Variants in BMPR1B observed in about 807,000 individuals in gnomAD.
The protein encoded by BMPR1B is bone morphogenetic protein receptor type 1B, also known as bone morphogenetic protein receptor type-1B.
BMPR1B carries 12 observed loss-of-function variants against 59.1 expected under a neutral mutation model. The ratio of observed to expected loss-of-function variants is 0.20; its 90% CI spans 0.13 to 0.33. BMPR1B has a LOEUF of 0.33. Ranked by LOEUF, BMPR1B falls within the 10% of genes least tolerant of loss-of-function variation. BMPR1B has a pLI of 1.00. For synonymous variants in BMPR1B, 237 were observed against 207.3 expected, an observed-to-expected ratio of 1.14 and a Z score of -1.23; for missense variants, 550 against 610.9, an observed-to-expected ratio of 0.90 and a Z score of 1.05.
intron 3 of BMPR1B, among the ~76,000 whole-genome samples, chr4:95,030,640 T>C (rs1724767856): frequency 6.6e-6 from 1 of 152,012 alleles, no homozygotes; most frequent in Non-Finnish European, 1.5e-5. Context: ...CAGCCCAAAA[T>C]CTCCTTAAGC....
intron 2 of BMPR1B, among the ~76,000 whole-genome samples, chr4:94,981,052 A>T (rs1312763375): frequency 6.6e-6 from 1 of 151,326 alleles, no homozygotes; most frequent in Non-Finnish European, 1.5e-5. Flanking sequence ...TTTAACTCAT[A>T]TACAGTGAAT....
chr4:95,093,747 A>C (rs1730170562), intron 3 of BMPR1B, among the ~76,000 whole-genome samples: 1 of 152,026 alleles, frequency 6.6e-6, no homozygotes, highest in African/African-American at 2.4e-5. Flanking sequence ...TCGATGTGTG[A>C]GTATGGTGAA....
intron 3 of BMPR1B, among the ~76,000 whole-genome samples, chr4:95,061,375 G>A (rs1429155107): frequency 6.6e-6 from 1 of 152,152 alleles, no homozygotes; most frequent in Non-Finnish European, 1.5e-5. Flanking sequence ...AGGAAGCTCA[G>A]CAATGCAGCT....
intron 10 of BMPR1B, among the ~76,000 whole-genome samples, chr4:95,137,126 G>A (rs1392664975): frequency 1.3e-5 from 2 of 152,074 alleles, no homozygotes; most frequent in Non-Finnish European, 2.9e-5. Flanking sequence ...TGTTCTTATT[G>A]GTTTCAAAGA....
chr4:95,046,047 A>T (rs1346758544), intron 3 of BMPR1B, among the ~76,000 whole-genome samples: 1 of 152,150 alleles, frequency 6.6e-6, no homozygotes, highest in Non-Finnish European at 1.5e-5. Flanking sequence ...AATTGATTTG[A>T]ATAAATATTT....
intron 2 of BMPR1B, among the ~76,000 whole-genome samples, chr4:94,907,377 A>G (rs569029343): frequency 9.2e-5 from 14 of 152,168 alleles, no homozygotes; most frequent in Non-Finnish European, 1.9e-4. Context: ...AGGAATCAAC[A>G]TTATCCATTT....
At chr4:95,104,596 C>G in intron 4 of BMPR1B, 29 bp downstream of exon 4, 1 of 1,612,486 alleles carries the variant, frequency 6.2e-7, no homozygotes, top group Non-Finnish European at 8.5e-7. Context: ...TTAAAGCTAG[C>G]TTTAACAAAA....
chr4:95,123,659 A>G (rs1732689744), intron 6 of BMPR1B, 151 bp from the exon 7 acceptor site: 3 of 633,510 alleles, frequency 4.7e-6, no homozygotes, highest in Admixed American at 5.7e-5. Flanking sequence ...TTTTGAGTAT[A>G]TATGGGTTTT....
chr4:94,761,421 GT>G (rs1721761853), intron 1 of BMPR1B, among the ~76,000 whole-genome samples: 1 of 39,088 alleles, frequency 2.6e-5, no homozygotes, highest in Admixed American at 2.9e-4. Context: ...AATTCTGTGT[GT>G]GTGTGTGTGT....
rs557369704 is a variant in BMPR1B, at chr4:94,852,080, C to G, written c.-182-23751C>G. ...CTTGTGCTAAAGGCAAACACATTTT[C>G]CCTTACCTGTTTGTATTCATTGCAG... On this transcript the variant is annotated intron_variant, in intron 1 of 12. Transcript: ENST00000515059. 3.3e-5 allele frequency among the ~76,000 whole-genome samples: 5 copies of G among 152,232 alleles called. No individual in the cohort carries two copies. The South Asian group carries it at 1.0e-3, about 32-fold the overall frequency.
intron 3 of BMPR1B, among the ~76,000 whole-genome samples, chr4:95,042,102 C>T (rs1164981930): frequency 4.6e-5 from 7 of 152,102 alleles, no homozygotes; most frequent in Admixed American, 1.3e-4. Context: ...GTGATCCACC[C>T]GCCTCGGCCT....
At chr4:94,774,596 C>G (rs530894772) in intron 1 of BMPR1B, among the ~76,000 whole-genome samples, 1 of 152,050 alleles carries the variant, frequency 6.6e-6, no homozygotes, top group Admixed American at 6.5e-5. Flanking sequence ...TTTTCTGTTT[C>G]TTTGGAACCT....
intron 3 of BMPR1B, among the ~76,000 whole-genome samples, chr4:95,012,715 A>T (rs188037397): frequency 1.3e-5 from 2 of 152,314 alleles, no homozygotes; most frequent in South Asian, 2.1e-4. Flanking sequence ...TGCTAGCAGC[A>T]TTTACAACTT....
At chr4:95,066,118 C>T (rs1560628090) in intron 3 of BMPR1B, among the ~76,000 whole-genome samples, 1 of 152,178 alleles carries the variant, frequency 6.6e-6, no homozygotes. Flanking sequence ...CATGGTCTCT[C>T]CCCTCACAGA....
rs775660734 is a variant in BMPR1B, at chr4:95,131,198, A to C, written c.779-17A>C. 1 of 1,610,534 alleles carries C rather than the reference A, an allele frequency of 6.2e-7. No individual in the cohort carries two copies. The highest frequency in any genetic ancestry group is 1.7e-5 in the Admixed American group (1 of 59,850). ...TATTTGGAAAACACTAAACCTTTTC[A>C]TCTTTTTTCCTTTTAGGTTTCATTG... On this transcript the variant is annotated splice_polypyrimidine_tract_variant and intron_variant, in intron 9 of 12. Coordinates refer to ENST00000515059, the MANE Select transcript of BMPR1B (RefSeq NM_001203.3).
chr4:94,867,432 A>G (rs1726291971), intron 1 of BMPR1B, among the ~76,000 whole-genome samples: 1 of 152,218 alleles, frequency 6.6e-6, no homozygotes, highest in Non-Finnish European at 1.5e-5. Context: ...TGCTTAAACT[A>G]GAAATCTAGC....
At chr4:94,919,684 A>G (rs1281188741) in intron 2 of BMPR1B, among the ~76,000 whole-genome samples, 1 of 152,168 alleles carries the variant, frequency 6.6e-6, no homozygotes, top group Non-Finnish European at 1.5e-5. Context: ...TTCTTCCTGC[A>G]TGCCAGGGCT....
chr4:95,092,197 CTAAGA>C (rs1241028798), intron 3 of BMPR1B, among the ~76,000 whole-genome samples: 1 of 151,952 alleles, frequency 6.6e-6, no homozygotes, highest in Non-Finnish European at 1.5e-5. Flanking sequence ...AATATAGTTG[CTAAGA>C]TATTTATTTT....
intron 2 of BMPR1B, among the ~76,000 whole-genome samples, chr4:94,923,948 G>A (rs750329515): frequency 2.6e-5 from 4 of 152,118 alleles, no homozygotes; most frequent in Non-Finnish European, 5.9e-5. Context: ...AACCACTCTT[G>A]ATGGGTTGCC....
Sources: gnomAD v4.1 joint callset for allele counts (sites outside exome capture counted in the v4.1 genomes callset) on GRCh38, gnomAD v4.1.1 for gene constraint, MANE v1.5 for transcripts, NCBI Gene and HGNC (gene_info 2026-07-23, HGNC 2026-07-21) for gene names.